Variants in RAD51AP2 observed in about 807,000 individuals in gnomAD.
RAD51AP2 encodes RAD51 associated protein 2.
Under a neutral mutation model 85.5 loss-of-function variants are expected in RAD51AP2, and 67 were observed. That is an observed-to-expected ratio of 0.78 (90% confidence interval 0.64 to 0.96). The LOEUF (loss-of-function observed/expected upper bound fraction) is 0.96, where lower values mean the gene tolerates loss of function less well. RAD51AP2 is among the 40% of genes least tolerant of loss of function. The probability of loss-of-function intolerance (pLI) is 0.00; values close to 1 mark genes in which losing one functional copy is unlikely to be tolerated. For synonymous variants in RAD51AP2, 474 were observed against 446.5 expected (o/e 1.06, Z -0.78); for missense variants, 1,307 against 1,332.4 (o/e 0.98, Z 0.30).
chr2:17,531,595 T>C, the RAD51AP2 span, among the ~76,000 whole-genome samples: 4 of 152,238 alleles, frequency 2.6e-5, no homozygotes, highest in Non-Finnish European at 4.4e-5. Context: ...GTGCTATTAA[T>C]ACTGAATTTT....
In RAD51AP2 at chr2:17,517,318, ATTCT is replaced by A; in HGVS notation, c.1094_1097del (p.Lys365IlefsTer5). 6 of 1,613,992 alleles carry A rather than the reference ATTCT, an allele frequency of 3.7e-6. No homozygotes were observed. The highest frequency in any genetic ancestry group is 5.1e-6 in the Non-Finnish European group (6 of 1,179,948). Reference sequence around the variant, plus strand: ...AATTTGCATTTTCTAGTATAGCGAAATTCTTTCTAGAGTCTCTTACATTACACTG... The same window carrying A: ...AATTTGCATTTTCTAGTATAGCGAAATTCTAGAGTCTCTTACATTACACTG... On this transcript the variant is annotated frameshift_variant, in exon 1 of 3. Transcript: ENST00000399080. LOFTEE classifies it high-confidence loss of function.
chr2:17,525,603 T>C, the RAD51AP2 span, among the ~76,000 whole-genome samples: 2 of 152,110 alleles, frequency 1.3e-5, no homozygotes, highest in African/African-American at 4.8e-5. Flanking sequence ...TCATTATATA[T>C]GTAATATTTG....
chr2:17,530,017 T>C, the RAD51AP2 span, among the ~76,000 whole-genome samples: 3 of 152,158 alleles, frequency 2.0e-5, no homozygotes, highest in Admixed American at 1.3e-4. Context: ...TGATCAGAAA[T>C]CACTGACTGA....
In RAD51AP2 at chr2:17,510,810, A is replaced by T; in HGVS notation, c.3474T>A (p.Asn1158Lys). The stretch of plus-strand genomic sequence containing the variant: ...ATGTTTTGAAATATGAAAGTCAAAA[A>T]TTTTCTTTTAAGTTTCCGTAACACA... ...KQMCYGNLKENF is the reference protein window; with the variant it reads ...KQMCYGNLKEKF Residue 1158 changes from asparagine (N) to lysine (K), a missense_variant, in exon 3 of 3, where the codon AAT (asparagine) becomes AAA (lysine). This residue lies in a region of RAD51AP2 where 668 missense variants were observed against 671.0 expected (regional missense o/e 1.00). Coordinates refer to ENST00000399080, the MANE Select transcript of RAD51AP2 (RefSeq NM_001099218.3). 1 of 1,560,786 alleles carries T rather than the reference A, an allele frequency of 6.4e-7. No homozygotes were observed. Among genetic ancestry groups the T allele is most frequent in the South Asian group, 1.2e-5 (1 of 82,260 alleles).
chr2:17,521,099 C>A (rs957470347), upstream of RAD51AP2, among the ~76,000 whole-genome samples: 1 of 151,942 alleles, frequency 6.6e-6, no homozygotes, highest in Non-Finnish European at 1.5e-5. Flanking sequence ...TTTTTGTATC[C>A]CCAGTGCCTC....
rs751561912 is a variant in RAD51AP2, at chr2:17,515,853, T to C, written c.2563A>G (p.Lys855Glu). The C allele has an allele frequency of 2.5e-6, 4 of 1,610,354 alleles. No individual in the cohort carries two copies. In the South Asian group the frequency reaches 3.3e-5, roughly 13 times the overall value. The change falls in exon 1 of 3, where the codon AAG becomes GAG. Residue 855 changes from lysine to glutamate, a missense_variant. Physicochemically the swap from Lys to Glu is moderately conservative, Grantham distance 56. Coordinates refer to ENST00000399080, the MANE Select transcript of RAD51AP2 (RefSeq NM_001099218.3). Reference sequence around the variant, plus strand: ...CTATCTTTCTCTTCCTTTTCTATCTTAGTATCTTTGTGAACTTGGCAACTA... The same window carrying C: ...CTATCTTTCTCTTCCTTTTCTATCTCAGTATCTTTGTGAACTTGGCAACTA... ...TNSCQVHKDTKIEKEEKDSFF... is the reference protein window; with the variant it reads ...TNSCQVHKDTEIEKEEKDSFF...
chr2:17,535,935 C>CAAAAAAAA, the RAD51AP2 span, among the ~76,000 whole-genome samples: 19 of 57,226 alleles, frequency 3.3e-4, no homozygotes, highest in African/African-American at 1.2e-3. Context: ...GTAAGAACAC[C>CAAAAAAAA]AAAAAAAAAA....
At chr2:17,537,759 TCTA>T in the RAD51AP2 span, among the ~76,000 whole-genome samples, 1 of 152,120 alleles carries the variant, frequency 6.6e-6, no homozygotes, top group Admixed American at 6.6e-5. Context: ...CACCTGAAAA[TCTA>T]CTGTTGGTAT....
chr2:17,518,524 C>T (rs1189849769), upstream of RAD51AP2: 7 of 1,407,560 alleles, frequency 5.0e-6, no homozygotes, highest in Admixed American at 2.3e-5. Context: ...AAGACCTGGC[C>T]TTAGCCTAAT....
chr2:17,527,694 CAT>C, the RAD51AP2 span, among the ~76,000 whole-genome samples: 1 of 152,082 alleles, frequency 6.6e-6, no homozygotes, highest in Non-Finnish European at 1.5e-5. Flanking sequence ...GAAAAATAAA[CAT>C]ATTATTAATG....
chr2:17,511,394 C>T (rs144696831), intron 2 of RAD51AP2, among the ~76,000 whole-genome samples: 1 of 152,196 alleles, frequency 6.6e-6, no homozygotes, highest in East Asian at 1.9e-4. Context: ...AAATGCACTC[C>T]ATCTATTATG....
chr2:17,534,402 G>A, the RAD51AP2 span, among the ~76,000 whole-genome samples: 1 of 152,174 alleles, frequency 6.6e-6, no homozygotes, highest in Admixed American at 6.5e-5. Flanking sequence ...AACTCGGAAA[G>A]ATAGAAACTA....
chr2:17,515,194 T>C lies in RAD51AP2; in HGVS notation c.3222A>G (p.Glu1074=), dbSNP rs2103307419. 6.3e-7 allele frequency: 1 copy of C among 1,580,978 alleles called. No homozygotes were observed. Residue 1074 remains glutamate, a synonymous_variant, in exon 1 of 3, where the codon GAA becomes GAG. Transcript: ENST00000399080. ...CTTTCTCAGAAGTAGAGTAAAGTAA[T>C]TCTTCCTCTGATCTACTTGGATAAC... ...ESCYPSRSEE[E]LLYSTSEKDC...
At chr2:17,528,942 T>C in the RAD51AP2 span, among the ~76,000 whole-genome samples, 1 of 152,208 alleles carries the variant, frequency 6.6e-6, no homozygotes, top group East Asian at 1.9e-4. Flanking sequence ...ATTTCTTGGC[T>C]TTCAAATGAT....
At chr2:17,520,022 C>T (rs922579291), upstream of RAD51AP2, among the ~76,000 whole-genome samples, 4 of 151,942 alleles carry the variant, frequency 2.6e-5, no homozygotes, top group African/African-American at 9.7e-5. Flanking sequence ...GCTAGTTTGC[C>T]CAAGAGCACA....
Position 17,518,378 on chromosome 2 carries a change from A to G in RAD51AP2, c.38T>C (p.Leu13Pro), listed in dbSNP as rs760792903. Residue 13 changes from leucine to proline, a missense_variant, in exon 1 of 3, where the codon CTC becomes CCC. Physicochemically the swap from Leu to Pro is moderately conservative, Grantham distance 98 (BLOSUM62 -3). Transcript: ENST00000399080. ...LPQPTPRMAE[L>P]RKPTSSLTPP... ...CGTTAAAGAGGAGGTAGGCTTTCTGAGCTCGGCCATCCGCGGCGTGGGCTG... is the reference window on the plus strand; with the variant it reads ...CGTTAAAGAGGAGGTAGGCTTTCTGGGCTCGGCCATCCGCGGCGTGGGCTG... 1.2e-6 allele frequency: 2 copies of G among 1,613,248 alleles called. No individual in the cohort carries two copies. Among genetic ancestry groups the G allele is most frequent in the African/African-American group, 2.7e-5 (2 of 74,856 alleles).
At position 17,516,678 on chromosome 2, in the gene RAD51AP2, A is replaced by G. The variant is rs1662682352; in HGVS notation, c.1738T>C (p.Leu580=). The part of the protein sequence containing the change: ...DSVSEPLDIL[L]KTNIAFLLNN... Reference sequence around the variant, plus strand: ...AGCAAAAAAGCTATGTTAGTTTTCAATAGAATATCTAAAGGTTCTGAAACA... The same window carrying G: ...AGCAAAAAAGCTATGTTAGTTTTCAGTAGAATATCTAAAGGTTCTGAAACA... Residue 580 remains leucine (L), a synonymous_variant, in exon 1 of 3, where the codon TTG becomes CTG. Transcript: ENST00000399080. 1 of 1,569,876 alleles carries G rather than the reference A, an allele frequency of 6.4e-7. No individual in the cohort carries two copies. Among genetic ancestry groups the G allele is most frequent in the Admixed American group, 1.9e-5 (1 of 52,248 alleles).
rs532010094 is a variant in RAD51AP2, at chr2:17,517,799, T to C, written c.617A>G (p.His206Arg). 1 of 1,614,148 alleles carries C rather than the reference T, an allele frequency of 6.2e-7. No individual in the cohort carries two copies. The change falls in exon 1 of 3, where the codon CAT becomes CGT. Residue 206 changes from histidine (H) to arginine (R), a missense_variant. His to Arg is a conservative substitution (Grantham distance 29, BLOSUM62 0). Transcript: ENST00000399080. ...TFYKETKSPF[H>R]EIKNRCKANS... ...AGCTTTACATCTGTTCTTAATTTCATGAAATGGTGATTTAGTTTCCTTGTA... is the reference window on the plus strand; with the variant it reads ...AGCTTTACATCTGTTCTTAATTTCACGAAATGGTGATTTAGTTTCCTTGTA...
At chr2:17,531,212 T>C in the RAD51AP2 span, among the ~76,000 whole-genome samples, 1 of 152,222 alleles carries the variant, frequency 6.6e-6, no homozygotes, top group Non-Finnish European at 1.5e-5. Flanking sequence ...TTGTTATTTA[T>C]CATCTCATTT....
Sources: allele counts gnomAD v4.1 joint callset (sites outside exome capture counted in the v4.1 genomes callset), GRCh38; gene constraint gnomAD v4.1.1; regional missense constraint gnomAD v4.1.1; transcripts MANE v1.5; gene names NCBI Gene and HGNC (gene_info 2026-07-23, HGNC 2026-07-21).